KNTC1: variants seen among roughly 807,000 people sequenced by gnomAD.
KNTC1 encodes kinetochore-associated protein 1.
In KNTC1, 253 loss-of-function variants were observed where a neutral mutation model predicts 314.4. That is an observed-to-expected ratio of 0.80 (90% confidence interval 0.73 to 0.89). KNTC1 has a LOEUF of 0.89. Among genes scored for constraint, KNTC1 ranks in the 40% least tolerant of loss-of-function variants. The pLI, the probability that KNTC1 is intolerant of heterozygous loss-of-function variation, is 0.00. For synonymous variants in KNTC1, 901 were observed against 901.4 expected (o/e 1.00, Z 0.01); for missense variants, 2,475 against 2,572.9 (o/e 0.96, Z 0.82).
intron 5 of KNTC1, among the ~76,000 whole-genome samples, chr12:122,541,296 C>T (rs929160877): frequency 2.8e-5 from 4 of 140,948 alleles, no homozygotes; most frequent in Non-Finnish European, 4.5e-5. Context: ...TGCCTTCCTT[C>T]CTTCCTTCCT....
intron 20 of KNTC1, 44 bp downstream of exon 20, chr12:122,562,743 C>A: frequency 8.6e-7 from 1 of 1,160,664 alleles, no homozygotes; most frequent in Non-Finnish European, 1.3e-6. Context: ...GGCATGGTGT[C>A]TCACGCCTGT....
intron 54 of KNTC1, 99 bp from the exon 55 acceptor site, chr12:122,613,526 AT>A: frequency 8.6e-7 from 1 of 1,158,700 alleles, no homozygotes; most frequent in Non-Finnish European, 1.2e-6. Context: ...CAAAATGGAC[AT>A]TTAAAACAAA....
chr12:122,540,373 T>C (rs964985341), intron 5 of KNTC1, among the ~76,000 whole-genome samples: 3 of 152,118 alleles, frequency 2.0e-5, no homozygotes, highest in Non-Finnish European at 2.9e-5. Flanking sequence ...GGTTTCACCA[T>C]GTTGGCTAGG....
At chr12:122,561,868 G>T in intron 18 of KNTC1, 53 bp from the exon 19 acceptor site, 5 of 1,407,954 alleles carry the variant, frequency 3.6e-6, no homozygotes, top group South Asian at 1.3e-5. Context: ...CCATCATTTA[G>T]GAAATAAACA....
chr12:122,587,731 G>A lies in KNTC1; in HGVS notation c.3751G>A (p.Val1251Ile). 2 of 1,613,304 alleles carry A rather than the reference G, an allele frequency of 1.2e-6. No homozygotes were observed. Among genetic ancestry groups the A allele is most frequent in the African/African-American group, 1.3e-5 (1 of 75,026 alleles). Residue 1251 changes from valine to isoleucine, a missense_variant, in exon 39 of 64, where the codon GTT becomes ATT. Val to Ile is a conservative substitution (Grantham distance 29). Coordinates refer to ENST00000333479, the MANE Select transcript of KNTC1 (RefSeq NM_014708.6). Reference protein sequence around the residue: ...LNEGDGLVLPVINSISALLQN... With the variant: ...LNEGDGLVLPIINSISALLQN... ...TGCAGGAGATGGCCTTGTTTTACCT[G>A]TTATAAATTCCATCTCTGCCCTGCT...
Position 122,575,799 on chromosome 12 carries a change from GAGTCAAGTT to G in KNTC1, c.2488_2496del (p.Val830_Leu832del). On this transcript the variant is annotated inframe_deletion and splice_region_variant, in exon 29 of 64. Transcript: ENST00000333479. ...GTTAATATGGGTAAATTTGCTTTCA[GAGTCAAGTT>G]ATTACAGGAAAGTTACAAACTAATG... 1 of 1,611,706 alleles carries G rather than the reference GAGTCAAGTT, an allele frequency of 6.2e-7. No homozygotes were observed. Among genetic ancestry groups the G allele is most frequent in the Non-Finnish European group, 8.5e-7 (1 of 1,178,624 alleles).
At position 122,576,924 on chromosome 12, in the gene KNTC1, T is replaced by C. The variant is rs750177088; in HGVS notation, c.2616T>C (p.Asp872=). 51 of 1,594,002 alleles carry C rather than the reference T, an allele frequency of 3.2e-5. No homozygotes were observed. In the East Asian group the frequency reaches 1.1e-3, roughly 33 times the overall value. ...MRVVRYILKQ[D]VPSSLEDALK... ...TGGTTAGATACATTCTCAAACAAGA[T>C]GTCCCATCTTCTTTAGAAGATGCTT... is the stretch of plus-strand genomic sequence containing the variant. Residue 872 remains aspartate (D), a synonymous_variant, in exon 30 of 64, where the codon GAT becomes GAC. Transcript: ENST00000333479.
chr12:122,623,374 G>A (rs955929090), intron 62 of KNTC1, among the ~76,000 whole-genome samples: 18 of 152,172 alleles, frequency 1.2e-4, no homozygotes, highest in South Asian at 4.1e-4. Context: ...GTTCAAGACC[G>A]CAGTACACAC....
Position 122,594,381 on chromosome 12 carries a change from T to A in KNTC1, c.4351T>A (p.Cys1451Ser). The change falls in exon 43 of 64, where the codon TGC (cysteine) becomes AGC (serine). Residue 1451 changes from cysteine to serine, a missense_variant. Cys to Ser is a moderately radical substitution (Grantham distance 112). Transcript: ENST00000333479. ...GGACACAAGCCTCATTTTGGAATAT[T>A]GCAGGTAATTCTTTAAACATTAACG... ...DMDTSLILEY[C>S]STFQLDCDAV... 6.6e-7 allele frequency: 1 copy of A among 1,522,640 alleles called. No homozygotes were observed. 94.3% of individuals were successfully genotyped at this position (1,522,640 alleles called of 1,614,324 possible).
At chr12:122,617,852 C>T (rs1273684339) in intron 57 of KNTC1, among the ~76,000 whole-genome samples, 3 of 152,098 alleles carry the variant, frequency 2.0e-5, no homozygotes, top group Non-Finnish European at 2.9e-5. Flanking sequence ...CAGCGCATAG[C>T]GATTTATCTA....
In KNTC1 at chr12:122,566,410, ATT is replaced by A. The variant is rs35536788; in HGVS notation, c.1605-1840_1605-1839del. On this transcript the variant is annotated intron_variant, in intron 20 of 63. Transcript: ENST00000333479. ...AGGCACGTGCCACTGCACCTGGATAATTTTTTTTTTTTCTTTTAATACGGACT... is the reference window on the plus strand; with the variant it reads ...AGGCACGTGCCACTGCACCTGGATAATTTTTTTTTTCTTTTAATACGGACT... Among the ~76,000 whole-genome samples the A allele has an allele frequency of 4.3e-4, 62 of 144,950 alleles. No homozygotes were observed. The South Asian group carries it at 7.0e-3, about 16-fold the overall frequency.
chr12:122,557,961 C>G (rs2137821896), intron 18 of KNTC1, among the ~76,000 whole-genome samples: 1 of 152,296 alleles, frequency 6.6e-6, no homozygotes, highest in African/African-American at 2.4e-5. Flanking sequence ...AAAAGAACCT[C>G]TATCCCAGAC....
intron 53 of KNTC1, chr12:122,612,879 A>G (rs1873325663): frequency 2.0e-6 from 1 of 494,316 alleles, no homozygotes; most frequent in African/African-American, 2.0e-5. Context: ...ACATCTTAGT[A>G]TCATGAAAAC....
rs74630767 is a variant in KNTC1, at chr12:122,541,209, A to C, written c.446-841A>C. 3.0e-3 allele frequency among the ~76,000 whole-genome samples: 459 copies of C among 151,806 alleles called. 15 individuals are homozygous for C. In the East Asian group the frequency reaches 0.063, roughly 21 times the overall value. ...CTCAAAAACAAAAAACAAAAAAAAAACCTTCAAATTGACATATTTTTAAGG... is the reference window on the plus strand; with the variant it reads ...CTCAAAAACAAAAAACAAAAAAAAACCCTTCAAATTGACATATTTTTAAGG... On this transcript the variant is annotated intron_variant, in intron 5 of 63. Transcript: ENST00000333479.
rs556583893 is a variant in KNTC1 at position 122,604,954 on chromosome 12, G to A, written c.5253G>A (p.Val1751=). Residue 1751 remains valine (V), a synonymous_variant, in exon 50 of 64, where the codon GTG becomes GTA. Coordinates refer to ENST00000333479, the MANE Select transcript of KNTC1 (RefSeq NM_014708.6). ...IQYRRSGTEA[V]LIAHKLNTEE... The stretch of plus-strand genomic sequence containing the variant: ...ACCGGCGATCGGGCACAGAAGCTGT[G>A]CTCATAGCCCACAAGCTGAACACTG... 1.9e-6 allele frequency: 3 copies of A among 1,612,022 alleles called. No homozygotes were observed. Among genetic ancestry groups the A allele is most frequent in the Admixed American group, 3.3e-5 (2 of 59,716 alleles).
intron 37 of KNTC1, 101 bp downstream of exon 37, chr12:122,585,875 A>G (rs1383294998): frequency 1.9e-6 from 2 of 1,064,878 alleles, no homozygotes; most frequent in Non-Finnish European, 2.8e-6. Flanking sequence ...ATGTGGGCGA[A>G]CCTTATAAGC....
intron 40 of KNTC1, among the ~76,000 whole-genome samples, chr12:122,590,101 A>C (rs1008199785): frequency 6.6e-6 from 1 of 152,034 alleles, no homozygotes; most frequent in African/African-American, 2.4e-5. Flanking sequence ...TTTTATTTGG[A>C]GATAATTTCA....
At chr12:122,562,415 G>A (rs1490825826) in intron 19 of KNTC1, among the ~76,000 whole-genome samples, 1 of 149,352 alleles carries the variant, frequency 6.7e-6, no homozygotes, top group Non-Finnish European at 1.5e-5. Context: ...GATGTAATTG[G>A]AAATGTTTTT....
chr12:122,582,287 G>T (rs917677259), intron 33 of KNTC1, among the ~76,000 whole-genome samples: 1 of 152,126 alleles, frequency 6.6e-6, no homozygotes, highest in Non-Finnish European at 1.5e-5. Context: ...GCGTGGTGAT[G>T]CGTGCCTGCA....
Sources: gnomAD v4.1 joint callset for allele counts (sites outside exome capture counted in the v4.1 genomes callset) on GRCh38, gnomAD v4.1.1 for gene constraint, MANE v1.5 for transcripts, NCBI Gene and HGNC (gene_info 2026-07-23, HGNC 2026-07-21) for gene names.